The following OR6N2 variants were observed in gnomAD, a reference collection of about 807,000 sequenced individuals.
The protein encoded by OR6N2 is olfactory receptor family 6 subfamily N member 2, also known as olfactory receptor 6N2.
For missense variants in OR6N2, 399 were observed against 379.7 expected (o/e 1.05, Z -0.42); for synonymous variants, 160 against 138.3 (o/e 1.16, Z -1.10).
rs1303934671 is a variant in OR6N2 at position 158,775,122 on chromosome 1, G to GTA, written c.*1558_*1559dup. 6.6e-6 allele frequency: 1 copy of GTA among 152,146 alleles called. No homozygotes were observed. Among genetic ancestry groups the GTA allele is most frequent in the Non-Finnish European group, 1.5e-5 (1 of 68,022 alleles). 9.4% of individuals were successfully genotyped at this position (152,146 alleles called of 1,614,324 possible). A position where few individuals can be genotyped will look rare whatever the true frequency, so the allele number is the denominator to read the frequency against. On this transcript the variant is annotated 3_prime_UTR_variant, in exon 2 of 2. Coordinates refer to ENST00000641131, the MANE Select transcript of OR6N2 (RefSeq NM_001005278.2). ...GGAAAGAATGACAAACTATATCTAT[G>GTA]TATATATACATAAATGTCCACAAAC...
Position 158,777,250 on chromosome 1 carries a change from G to T in OR6N2, c.386C>A (p.Pro129His). Residue 129 changes from proline to histidine, a missense_variant, in exon 2 of 2, where the codon CCC becomes CAC. Transcript: ENST00000641131. ...GGTCATAATTATAGGGTAGTGGAGG[G>T]GCCGACAAATGGCCAGGTATCTATC... ...AYDRYLAICR[P>H]LHYPIIMTTT... 6.2e-7 allele frequency: 1 copy of T among 1,614,088 alleles called. No individual in the cohort carries two copies. The highest frequency in any genetic ancestry group is 8.5e-7 in the Non-Finnish European group (1 of 1,180,004).
At chr1:158,778,767 C>G (rs898445025) in intron 1 of OR6N2, among the ~76,000 whole-genome samples, 36 of 152,096 alleles carry the variant, frequency 2.4e-4, no homozygotes, top group African/African-American at 8.4e-4. Context: ...GTAATCCCAG[C>G]ATTTTGGGAG....
chr1:158,774,542 A>G lies in OR6N2; in HGVS notation c.*2140T>C, dbSNP rs1397509234. ...GGACCCAAAAAGCACTAGTCTTTGG[A>G]AAACAGTTAGACAGCTAATTATAAA... On this transcript the variant is annotated 3_prime_UTR_variant, in exon 2 of 2. Transcript: ENST00000641131. 6.6e-6 allele frequency: 1 copy of G among 152,220 alleles called. No individual in the cohort carries two copies. Among genetic ancestry groups the G allele is most frequent in the Non-Finnish European group, 1.5e-5 (1 of 68,044 alleles). The allele number at this position is 152,220 out of a possible 1,614,324, so 9.4% of individuals were successfully genotyped here.
chr1:158,779,304 T>C (rs1188571223), intron 1 of OR6N2, among the ~76,000 whole-genome samples: 1 of 132,144 alleles, frequency 7.6e-6, no homozygotes, highest in African/African-American at 2.9e-5. Flanking sequence ...ATACTGCAAT[T>C]GAAGAGAACC....
rs1030285762 is a variant in OR6N2, at chr1:158,777,616, G to C, written c.20C>G (p.Ser7Ter). The C allele has an allele frequency of 4.3e-6, 7 of 1,613,090 alleles. No individual in the cohort carries two copies. Among genetic ancestry groups the C allele is most frequent in the East Asian group, 2.2e-5 (1 of 44,860 alleles). MDQYNH[S>*]SLAEFVFLGF... Reference sequence around the variant, plus strand: ...AAGGAACACAAATTCAGCCAGGCTTGAATGGTTGTATTGATCCATGGGAGG... The same window carrying C: ...AAGGAACACAAATTCAGCCAGGCTTCAATGGTTGTATTGATCCATGGGAGG... The change falls in exon 2 of 2, where the codon TCA becomes TGA. Residue 7 changes from serine to a stop codon, truncating the protein, a stop_gained. Transcript: ENST00000641131. LOFTEE classifies it low-confidence loss of function (END_TRUNC).
chr1:158,779,182 T>C (rs1351372544), intron 1 of OR6N2, among the ~76,000 whole-genome samples: 1 of 152,188 alleles, frequency 6.6e-6, no homozygotes, highest in Non-Finnish European at 1.5e-5. Flanking sequence ...TAATTATTCT[T>C]AAGCAAAATG....
At position 158,777,612 on chromosome 1, in the gene OR6N2, G is replaced by T. The variant is rs1190396639; in HGVS notation, c.24C>A (p.Ser8Arg). Residue 8 changes from serine (S) to arginine (R), a missense_variant, in exon 2 of 2, where the codon AGC becomes AGA. Ser to Arg is a moderately radical substitution (Grantham distance 110, BLOSUM62 -1). Transcript: ENST00000641131. ...AGCCAAGGAACACAAATTCAGCCAG[G>T]CTTGAATGGTTGTATTGATCCATGG... MDQYNHSSLAEFVFLGFA... is the reference protein window; with the variant it reads MDQYNHSRLAEFVFLGFA... The T allele has an allele frequency of 1.2e-6, 2 of 1,613,328 alleles. No individual in the cohort carries two copies. Among genetic ancestry groups the T allele is most frequent in the Non-Finnish European group, 1.7e-6 (2 of 1,179,598 alleles).
Position 158,779,018 on chromosome 1 carries a change from C to CAAAAAAAAAA in OR6N2, c.-6-1387_-6-1378dup, listed in dbSNP as rs10680954. On this transcript the variant is annotated intron_variant, in intron 1 of 1. Transcript: ENST00000641131. ...TGGGCGACAGTGCGAGACTGCGTCT[C>CAAAAAAAAAA]AAAAAAAAAAAAAAGAATGCAGATT... Among the ~76,000 whole-genome samples the CAAAAAAAAAA allele has an allele frequency of 2.9e-3, 248 of 86,334 alleles. 10 individuals carry two copies. Among genetic ancestry groups the CAAAAAAAAAA allele is most frequent in the African/African-American group, 6.4e-3 (115 of 18,016 alleles). The allele number at this position is 86,334 out of a possible 152,430, so 56.6% of individuals were successfully genotyped here. A position where few individuals can be genotyped will look rare whatever the true frequency, so the allele number is the denominator to read the frequency against.
chr1:158,776,872 A>T lies in OR6N2; in HGVS notation c.764T>A (p.Ile255Asn). The T allele has an allele frequency of 6.2e-7, 1 of 1,614,202 alleles. No homozygotes were observed. Among genetic ancestry groups the T allele is most frequent in the Non-Finnish European group, 8.5e-7 (1 of 1,180,034 alleles). Residue 255 changes from isoleucine to asparagine, a missense_variant, in exon 2 of 2, where the codon ATC becomes AAC. Ile to Asn is a moderately radical substitution (Grantham distance 149). Transcript: ENST00000641131. ...CTTTAGCCGCACATACATGAAGATG[A>T]TGCTCCCAAAGAAGATGAGGACCAC... is the stretch of plus-strand genomic sequence containing the variant. ...LAVVLIFFGSIIFMYVRLKKS... is the reference protein window; with the variant it reads ...LAVVLIFFGSNIFMYVRLKKS...
rs1372859026 is a variant in OR6N2 at position 158,776,920 on chromosome 1, G to A, written c.716C>T (p.Ser239Phe). The A allele has an allele frequency of 1.2e-6, 2 of 1,613,960 alleles. No homozygotes were observed. Among genetic ancestry groups the A allele is most frequent in the African/African-American group, 2.7e-5 (2 of 74,906 alleles). Residue 239 changes from serine to phenylalanine, a missense_variant, in exon 2 of 2, where the codon TCT becomes TTT. By Grantham distance (155) the Ser-to-Phe change is radical. Coordinates refer to ENST00000641131, the MANE Select transcript of OR6N2 (RefSeq NM_001005278.2). ...KTASGRKKAF[S>F]TCASHLAVVL... is the part of the protein sequence containing the mutation. ...CACAGCAAGATGTGAGGCACAGGTA[G>A]AAAAGGCCTTCTTTCTTCCTGATGC...
At chr1:158,779,429 C>T (rs1043993589) in intron 1 of OR6N2, among the ~76,000 whole-genome samples, 4 of 152,180 alleles carry the variant, frequency 2.6e-5, no homozygotes, top group Non-Finnish European at 4.4e-5. Context: ...AATAACCAAA[C>T]GAATTCATTT....
At chr1:158,779,473 T>C (rs1440471562) in intron 1 of OR6N2, among the ~76,000 whole-genome samples, 1 of 152,232 alleles carries the variant, frequency 6.6e-6, no homozygotes, top group Non-Finnish European at 1.5e-5. Context: ...AGACCAATAC[T>C]TTCCTTGCAA....
At position 158,777,525 on chromosome 1, in the gene OR6N2, G is replaced by A. The variant is rs145617711; in HGVS notation, c.111C>T (p.Phe37=). The A allele has an allele frequency of 6.8e-5, 109 of 1,614,084 alleles. No individual in the cohort carries two copies. In the African/African-American group the frequency reaches 1.3e-3, roughly 19 times the overall value. Residue 37 remains phenylalanine, a synonymous_variant, in exon 2 of 2, where the codon TTC becomes TTT. Coordinates refer to ENST00000641131, the MANE Select transcript of OR6N2 (RefSeq NM_001005278.2). ...AGATGAGCATGTTACCACAGATGGT[G>A]AACAGGTATGCCAATAGCAGCAGGA... ...LFVLLLLAYL[F]TICGNMLIFS...
In OR6N2 at chr1:158,777,509, T is replaced by G. The variant is rs201184276; in HGVS notation, c.127A>C (p.Met43Leu). 1 of 1,614,190 alleles carries G rather than the reference T, an allele frequency of 6.2e-7. No individual in the cohort carries two copies. Among genetic ancestry groups the G allele is most frequent in the South Asian group, 1.1e-5 (1 of 91,082 alleles). The change falls in exon 2 of 2, where the codon ATG (methionine) becomes CTG (leucine). Residue 43 changes from methionine to leucine, a missense_variant. Transcript: ENST00000641131. ...AGTCGGATGACTGAGAAGATGAGCA[T>G]GTTACCACAGATGGTGAACAGGTAT... ...LAYLFTICGNMLIFSVIRLDA... is the reference protein window; with the variant it reads ...LAYLFTICGNLLIFSVIRLDA...
At position 158,777,118 on chromosome 1, in the gene OR6N2, T is replaced by A; in HGVS notation, c.518A>T (p.Glu173Val). Residue 173 changes from glutamate to valine, a missense_variant, in exon 2 of 2, where the codon GAA becomes GTA. Glu to Val is a moderately radical substitution (Grantham distance 121). Coordinates refer to ENST00000641131, the MANE Select transcript of OR6N2 (RefSeq NM_001005278.2). ...ASQLPFCAYN[E>V]IQHIFCDFPP... ...AAAGTCACAGAAAATGTGTTGGATTTCATTGTAAGCACAAAATGGGAGCTG... is the reference window on the plus strand; with the variant it reads ...AAAGTCACAGAAAATGTGTTGGATTACATTGTAAGCACAAAATGGGAGCTG... 6.2e-7 allele frequency: 1 copy of A among 1,614,154 alleles called. No homozygotes were observed.
At chr1:158,781,113 A>C (rs1248940967) in intron 1 of OR6N2, 57 bp downstream of exon 1, 1 of 152,238 alleles carries the variant, frequency 6.6e-6, no homozygotes, top group Non-Finnish European at 1.5e-5. Flanking sequence ...CCTTATTATC[A>C]GTCCCACCTT....
At chr1:158,779,879 T>A (rs1414129259) in intron 1 of OR6N2, among the ~76,000 whole-genome samples, 1 of 152,218 alleles carries the variant, frequency 6.6e-6, no homozygotes, top group Non-Finnish European at 1.5e-5. Context: ...TTGTTACCTT[T>A]TTAACAAGTC....
chr1:158,778,542 T>C (rs1657666661), intron 1 of OR6N2, among the ~76,000 whole-genome samples: 1 of 152,198 alleles, frequency 6.6e-6, no homozygotes, highest in African/African-American at 2.4e-5. Context: ...CTTAGCTCCA[T>C]AGATGCAGGG....
rs1488464810 is a variant in OR6N2 at position 158,777,011 on chromosome 1, T to A, written c.625A>T (p.Ile209Phe). ...GAAATCATGATAAAGAAGAAAGTGA[T>A]AAGAATTATGAAAGCATTAATGGCA... ...DFAINAFIIL[I>F]TFFFIMISYA... Residue 209 changes from isoleucine (I) to phenylalanine (F), a missense_variant, in exon 2 of 2, where the codon ATC becomes TTC. Physicochemically the swap from Ile to Phe is conservative, Grantham distance 21 (BLOSUM62 0). Coordinates refer to ENST00000641131, the MANE Select transcript of OR6N2 (RefSeq NM_001005278.2). 7 of 1,614,116 alleles carry A rather than the reference T, an allele frequency of 4.3e-6. No individual in the cohort carries two copies. Among genetic ancestry groups the A allele is most frequent in the Non-Finnish European group, 5.9e-6 (7 of 1,179,998 alleles).
Sources: gnomAD v4.1 joint callset for allele counts (sites outside exome capture counted in the v4.1 genomes callset) on GRCh38, gnomAD v4.1.1 for gene constraint, MANE v1.5 for transcripts, NCBI Gene and HGNC (gene_info 2026-07-23, HGNC 2026-07-21) for gene names.